The following DNAL1 variants were observed in gnomAD, a reference collection of about 807,000 sequenced individuals.
The protein encoded by DNAL1 is dynein axonemal light chain 1, also known as chromosome 14 open reading frame 168.
A neutral mutation model predicts 29.4 loss-of-function variants in DNAL1; 17 were observed. The ratio of observed to expected loss-of-function variants is 0.58; its 90% CI spans 0.40 to 0.87. The LOEUF is 0.87. Ranked by LOEUF, DNAL1 falls within the 40% of genes least tolerant of loss-of-function variation. The pLI, the probability that DNAL1 is intolerant of heterozygous loss-of-function variation, is 0.00. For synonymous variants in DNAL1, 78 were observed against 76.3 expected, an observed-to-expected ratio of 1.02 and a Z score of -0.12; for missense variants, 188 against 214.1, an observed-to-expected ratio of 0.88 and a Z score of 0.76.
intron 7 of DNAL1, among the ~76,000 whole-genome samples, chr14:73,691,857 C>G (rs1189132603): frequency 1.5e-5 from 2 of 137,584 alleles, no homozygotes; most frequent in Non-Finnish European, 3.3e-5. Flanking sequence ...CCCCCCCCCC[C>G]CAGCTAATTT....
At chr14:73,695,718 G>A (rs1046055175) in intron 7 of DNAL1, among the ~76,000 whole-genome samples, 184 bp from the exon 8 acceptor site, 3 of 151,946 alleles carry the variant, frequency 2.0e-5, no homozygotes, top group Non-Finnish European at 4.4e-5. Flanking sequence ...TTATAGAGAC[G>A]GGGTTTCACC....
chr14:73,654,616 G>A (rs1335576415), intron 1 of DNAL1, among the ~76,000 whole-genome samples: 9 of 152,008 alleles, frequency 5.9e-5, no homozygotes, highest in African/African-American at 1.2e-4. Flanking sequence ...AAAATTAGCC[G>A]GGAGTGGTGG....
At position 73,655,100 on chromosome 14, in the gene DNAL1, A is replaced by G. The variant is rs562542942; in HGVS notation, c.42+215A>G. Among the ~76,000 whole-genome samples the G allele has an allele frequency of 2.6e-5, 4 of 152,262 alleles. No individual in the cohort carries two copies. In the South Asian group the frequency reaches 8.3e-4, roughly 32 times the overall value. On this transcript the variant is annotated intron_variant, in intron 2 of 7. Transcript: ENST00000553645. Reference sequence around the variant, plus strand: ...ACAGTCATACATGCACATGAGCACAAGCAAACTTGGGAAAATCTGAATAAA... The same window carrying G: ...ACAGTCATACATGCACATGAGCACAGGCAAACTTGGGAAAATCTGAATAAA...
rs1892413641 is a variant in DNAL1, at chr14:73,700,644, A to G, written c.*4702A>G. ...TCAAAGCATCAGTCATGAATAGATT[A>G]TGTCTCTCTGACTACAGTCAGACCA... is the stretch of plus-strand genomic sequence containing the variant. On this transcript the variant is annotated 3_prime_UTR_variant, in exon 8 of 8. Coordinates refer to ENST00000553645, the MANE Select transcript of DNAL1 (RefSeq NM_031427.4). 6.6e-6 allele frequency: 1 copy of G among 152,196 alleles called. No individual in the cohort carries two copies. 9.4% of individuals were successfully genotyped at this position (152,196 alleles called of 1,614,324 possible). A position where few individuals can be genotyped will look rare whatever the true frequency, so the allele number is the denominator to read the frequency against.
chr14:73,675,559 C>T (rs1445061408), intron 5 of DNAL1, among the ~76,000 whole-genome samples: 1 of 151,838 alleles, frequency 6.6e-6, no homozygotes, highest in Non-Finnish European at 1.5e-5. Context: ...CCTCTTGCCT[C>T]ATCCTCCCAA....
At position 73,647,870 on chromosome 14, in the gene DNAL1, G is replaced by A. The variant is rs76247968; in HGVS notation, c.3+2828G>A. On this transcript the variant is annotated intron_variant, in intron 1 of 7. Transcript: ENST00000553645. Reference sequence around the variant, plus strand: ...ACACACCCAGGAGTGGGATTGTACCGTCATAGGGTCTATGTATACTTAATT... The same window carrying A: ...ACACACCCAGGAGTGGGATTGTACCATCATAGGGTCTATGTATACTTAATT... 1.1e-4 allele frequency among the ~76,000 whole-genome samples: 16 copies of A among 152,294 alleles called. 1 individual carries two copies. In the East Asian group the frequency reaches 2.9e-3, roughly 27 times the overall value.
intron 1 of DNAL1, among the ~76,000 whole-genome samples, chr14:73,650,773 G>C (rs529194450): frequency 6.6e-6 from 1 of 152,042 alleles, no homozygotes; most frequent in Non-Finnish European, 1.5e-5. Flanking sequence ...ACTGTGCCTG[G>C]CCAGGCAATT....
chr14:73,661,895 ATAT>A, intron 3 of DNAL1, 89 bp from the exon 4 acceptor site: 1 of 749,928 alleles, frequency 1.3e-6, no homozygotes. Flanking sequence ...TATTACTTAA[ATAT>A]TATCTTTTAT....
At chr14:73,648,096 G>GCCT (rs762648963) in intron 1 of DNAL1, among the ~76,000 whole-genome samples, 5 of 151,956 alleles carry the variant, frequency 3.3e-5, no homozygotes, top group Admixed American at 6.6e-5. Context: ...TTCTGCTTCA[G>GCCT]CCTCCCGAGT....
At chr14:73,658,285 G>A (rs557129442) in intron 2 of DNAL1, among the ~76,000 whole-genome samples, 13 of 152,164 alleles carry the variant, frequency 8.5e-5, no homozygotes, top group South Asian at 8.3e-4. Flanking sequence ...TACCAATACC[G>A]TGCTGTTTGG....
chr14:73,669,823 T>G (rs556021178), intron 4 of DNAL1, among the ~76,000 whole-genome samples: 1 of 152,310 alleles, frequency 6.6e-6, no homozygotes, highest in South Asian at 2.1e-4. Context: ...GGGGACACAG[T>G]TCAGCCCATA....
rs371187381 is a variant in DNAL1 at position 73,676,050 on chromosome 14, A to T, written c.264+4453A>T. Reference sequence around the variant, plus strand: ...AAATAAGTAAATAATAAAATAAAATATTTTTTTTTTGAGACGGAGTCAAAA... The same window carrying T: ...AAATAAGTAAATAATAAAATAAAATTTTTTTTTTTTGAGACGGAGTCAAAA... On this transcript the variant is annotated intron_variant, in intron 5 of 7. Transcript: ENST00000553645. Among the ~76,000 whole-genome samples the T allele has an allele frequency of 2.0e-4, 30 of 148,922 alleles. No individual in the cohort carries two copies. In the East Asian group the frequency reaches 3.5e-3, roughly 18 times the overall value.
intron 7 of DNAL1, among the ~76,000 whole-genome samples, chr14:73,693,901 T>C (rs756392181): frequency 2.6e-5 from 4 of 152,178 alleles, no homozygotes; most frequent in Admixed American, 6.6e-5. Flanking sequence ...CTGTACGTTA[T>C]AATTTGTACA....
In DNAL1 at chr14:73,658,868, C is replaced by A; in HGVS notation, c.64C>A (p.Pro22Thr). ...ATAGGAAGAGAAAACTGGCCAGAGGCCATCTGAAGCCAAAGAGATAAAACT... is the reference window on the plus strand; with the variant it reads ...ATAGGAAGAGAAAACTGGCCAGAGGACATCTGAAGCCAAAGAGATAAAACT... Reference protein sequence around the residue: ...ARWEEKTGQRPSEAKEIKLYA... With the variant: ...ARWEEKTGQRTSEAKEIKLYA... The change falls in exon 3 of 8, where the codon CCA (proline) becomes ACA (threonine). Residue 22 changes from proline (P) to threonine (T), a missense_variant. Transcript: ENST00000553645. 1 of 1,603,422 alleles carries A rather than the reference C, an allele frequency of 6.2e-7. No individual in the cohort carries two copies. Among genetic ancestry groups the A allele is most frequent in the Non-Finnish European group, 8.5e-7 (1 of 1,174,468 alleles).
chr14:73,667,694 G>A (rs1398780723), intron 4 of DNAL1, among the ~76,000 whole-genome samples: 2 of 152,004 alleles, frequency 1.3e-5, no homozygotes, highest in Non-Finnish European at 2.9e-5. Context: ...TAGAGTTGGG[G>A]TCTCCCCATG....
chr14:73,672,949 G>A (rs938678544), intron 5 of DNAL1: 1 of 151,662 alleles, frequency 6.6e-6, no homozygotes, highest in Non-Finnish European at 1.5e-5. Flanking sequence ...TAATAGAGAT[G>A]GGGTTTCACC....
In DNAL1 at chr14:73,697,126, T is replaced by C. The variant is rs1282493525; in HGVS notation, c.*1184T>C. On this transcript the variant is annotated 3_prime_UTR_variant, in exon 8 of 8. Coordinates refer to ENST00000553645, the MANE Select transcript of DNAL1 (RefSeq NM_031427.4). The stretch of plus-strand genomic sequence containing the variant: ...GTAAACAAAAAATCCTTCAGGAAAA[T>C]GTAAGACATTGTAGTCAGTAAGCAG... 4.6e-5 allele frequency: 7 copies of C among 152,038 alleles called. No homozygotes were observed. Among genetic ancestry groups the C allele is most frequent in the Non-Finnish European group, 1.0e-4 (7 of 67,998 alleles). 9.4% of individuals were successfully genotyped at this position (152,038 alleles called of 1,614,324 possible).
Position 73,695,948 on chromosome 14 carries a change from C to T in DNAL1, c.*6C>T, listed in dbSNP as rs751078643. On this transcript the variant is annotated 3_prime_UTR_variant, in exon 8 of 8. Coordinates refer to ENST00000553645, the MANE Select transcript of DNAL1 (RefSeq NM_031427.4). ...ATGAGGAAGAAGACAACTAATGCCACGCTTTCCACTGTGTGTTAACTTATT... is the reference window on the plus strand; with the variant it reads ...ATGAGGAAGAAGACAACTAATGCCATGCTTTCCACTGTGTGTTAACTTATT... 60 of 1,586,586 alleles carry T rather than the reference C, an allele frequency of 3.8e-5. No individual in the cohort carries two copies. The highest frequency in any genetic ancestry group is 7.1e-5 in the Admixed American group (4 of 56,392).
At chr14:73,656,068 A>G (rs566182779) in intron 2 of DNAL1, among the ~76,000 whole-genome samples, 1 of 152,214 alleles carries the variant, frequency 6.6e-6, no homozygotes, top group South Asian at 2.1e-4. Context: ...GATCTAGTGT[A>G]GTTTTTTTGC....
Sources: allele counts gnomAD v4.1 joint callset (sites outside exome capture counted in the v4.1 genomes callset), GRCh38; gene constraint gnomAD v4.1.1; transcripts MANE v1.5; gene names NCBI Gene and HGNC (gene_info 2026-07-23, HGNC 2026-07-21).